KCNQ5: variants seen among roughly 807,000 people sequenced by gnomAD.
The protein encoded by KCNQ5 is potassium voltage-gated channel subfamily KQT member 5.
Under a neutral mutation model 98.2 loss-of-function variants are expected in KCNQ5, and 30 were observed. That is an observed-to-expected ratio of 0.31 (90% CI 0.23 to 0.41). The LOEUF (loss-of-function observed/expected upper bound fraction) is 0.41, where lower values mean the gene tolerates loss of function less well. KCNQ5 is among the 10% of genes least tolerant of loss of function. KCNQ5 has a pLI of 1.00. For missense variants in KCNQ5, 835 were observed against 1,182.5 expected (o/e 0.71, Z 4.31); for synonymous variants, 458 against 449.4 (o/e 1.02, Z -0.24).
In KCNQ5 at chr6:72,679,501, C is replaced by T. The variant is rs1419854255; in HGVS notation, c.398+56914C>T. ...AAAAACCAAACACCGCATATTCTCA[C>T]TCATAGGTGGGAATTGAACAATGAG... On this transcript the variant is annotated intron_variant, in intron 1 of 13. Coordinates refer to ENST00000370398, the MANE Select transcript of KCNQ5 (RefSeq NM_019842.4). Among the ~76,000 whole-genome samples, 11 of 142,944 alleles carry T rather than the reference C, an allele frequency of 7.7e-5. No individual in the cohort carries two copies. The East Asian group carries it at 2.3e-3, about 29-fold the overall frequency. 93.8% of individuals were successfully genotyped at this position (142,944 alleles called of 152,430 possible). A position where few individuals can be genotyped will look rare whatever the true frequency, so the allele number is the denominator to read the frequency against.
intron 1 of KCNQ5, among the ~76,000 whole-genome samples, chr6:72,909,597 G>T (rs1779841881): frequency 2.0e-5 from 3 of 152,144 alleles, no homozygotes; most frequent in Non-Finnish European, 4.4e-5. Context: ...CATGAAGAGA[G>T]CTAAGCAGTT....
At chr6:73,042,480 A>G (rs911725087) in intron 3 of KCNQ5, among the ~76,000 whole-genome samples, 34 of 152,172 alleles carry the variant, frequency 2.2e-4, no homozygotes, top group African/African-American at 7.2e-4. Flanking sequence ...TTTTTGCTCT[A>G]CAATATGACA....
chr6:72,845,155 T>C (rs1776964530), intron 1 of KCNQ5, among the ~76,000 whole-genome samples: 1 of 152,226 alleles, frequency 6.6e-6, no homozygotes, highest in African/African-American at 2.4e-5. Flanking sequence ...GCCCACTTTC[T>C]GAGAAATTCA....
intron 10 of KCNQ5, among the ~76,000 whole-genome samples, chr6:73,160,233 G>T (rs145140506): frequency 3.0e-4 from 46 of 152,076 alleles, no homozygotes; most frequent in African/African-American, 1.0e-3. Flanking sequence ...AGCCAGGATG[G>T]TCTCGATCTC....
At chr6:73,078,828 A>C (rs901635169) in intron 5 of KCNQ5, among the ~76,000 whole-genome samples, 1 of 152,254 alleles carries the variant, frequency 6.6e-6, no homozygotes, top group African/African-American at 2.4e-5. Flanking sequence ...GTGTACTCTG[A>C]ACAACGCATA....
Position 72,751,290 on chromosome 6 carries a change from A to T in KCNQ5, c.398+128703A>T, listed in dbSNP as rs564159549. Among the ~76,000 whole-genome samples, 3 of 150,760 alleles carry T rather than the reference A, an allele frequency of 2.0e-5. No homozygotes were observed. The South Asian group carries it at 6.3e-4, about 31-fold the overall frequency. On this transcript the variant is annotated intron_variant, in intron 1 of 13. Coordinates refer to ENST00000370398, the MANE Select transcript of KCNQ5 (RefSeq NM_019842.4). The stretch of plus-strand genomic sequence containing the variant: ...ACAGGATGAATTTAGGTAATGAATC[A>T]TCTGTGTGATTTGGACTCAAAATGA...
chr6:72,905,572 C>T (rs541785756), intron 1 of KCNQ5, among the ~76,000 whole-genome samples: 91 of 152,236 alleles, frequency 6.0e-4, no homozygotes, highest in Non-Finnish European at 1.1e-3. Context: ...GGGGTGTTCC[C>T]TTGATGTAGT....
At chr6:72,931,010 G>C (rs937169145) in intron 1 of KCNQ5, among the ~76,000 whole-genome samples, 1 of 152,066 alleles carries the variant, frequency 6.6e-6, no homozygotes, top group Non-Finnish European at 1.5e-5. Flanking sequence ...ATAGTTTACT[G>C]GGCCATCATT....
At chr6:72,865,690 C>T (rs546149653) in intron 1 of KCNQ5, among the ~76,000 whole-genome samples, 19 of 152,232 alleles carry the variant, frequency 1.2e-4, no homozygotes, top group African/African-American at 4.1e-4. Flanking sequence ...ATATCATTTG[C>T]TTAGTTCCTG....
intron 1 of KCNQ5, among the ~76,000 whole-genome samples, chr6:72,888,050 C>G (rs1562047691): frequency 6.6e-6 from 1 of 151,888 alleles, no homozygotes; most frequent in Non-Finnish European, 1.5e-5. Flanking sequence ...CCAAAGGGAG[C>G]TGATATAGCT....
At chr6:72,766,753 G>C (rs1427175177) in intron 1 of KCNQ5, among the ~76,000 whole-genome samples, 1 of 151,884 alleles carries the variant, frequency 6.6e-6, no homozygotes, top group African/African-American at 2.4e-5. Flanking sequence ...GGTATGTTGG[G>C]GGCAATAAGG....
At chr6:72,882,060 T>C (rs1709421861) in intron 1 of KCNQ5, among the ~76,000 whole-genome samples, 1 of 152,200 alleles carries the variant, frequency 6.6e-6, no homozygotes, top group South Asian at 2.1e-4. Flanking sequence ...TTTAGGATTT[T>C]TGATTGTTTA....
intron 1 of KCNQ5, among the ~76,000 whole-genome samples, chr6:72,946,746 G>T (rs1401926848): frequency 3.9e-5 from 6 of 152,192 alleles, no homozygotes; most frequent in Admixed American, 2.6e-4. Flanking sequence ...TAAAGTGCTT[G>T]ATATTTCTGT....
chr6:72,773,931 C>T (rs534364148), intron 1 of KCNQ5, among the ~76,000 whole-genome samples: 2 of 152,154 alleles, frequency 1.3e-5, no homozygotes, highest in South Asian at 4.2e-4. Flanking sequence ...ATCAATGGAA[C>T]AGAATAGAGA....
chr6:72,794,470 G>T (rs1032113426), intron 1 of KCNQ5, among the ~76,000 whole-genome samples: 1 of 152,112 alleles, frequency 6.6e-6, no homozygotes, highest in African/African-American at 2.4e-5. Context: ...TTCTTTGTTG[G>T]CTAATTGTCA....
chr6:72,635,622 C>T (rs897044812), intron 1 of KCNQ5, among the ~76,000 whole-genome samples: 4 of 149,850 alleles, frequency 2.7e-5, no homozygotes, highest in Admixed American at 6.6e-5. Context: ...CTTACTTTCC[C>T]TTTCCCCTTG....
At chr6:72,847,982 G>GA (rs1285889332) in intron 1 of KCNQ5, among the ~76,000 whole-genome samples, 2 of 151,146 alleles carry the variant, frequency 1.3e-5, no homozygotes, top group Non-Finnish European at 2.9e-5. Flanking sequence ...AGAGACCCTT[G>GA]AATTTCTGGC....
At chr6:73,083,978 C>T (rs1773880483) in intron 5 of KCNQ5, among the ~76,000 whole-genome samples, 3 of 152,126 alleles carry the variant, frequency 2.0e-5, no homozygotes, top group African/African-American at 7.2e-5. Flanking sequence ...TATATTAGTA[C>T]AAAAAGAACC....
At chr6:73,053,472 A>G (rs1020458645) in intron 3 of KCNQ5, among the ~76,000 whole-genome samples, 4 of 152,154 alleles carry the variant, frequency 2.6e-5, no homozygotes, top group Non-Finnish European at 5.9e-5. Flanking sequence ...ATGGCCCATA[A>G]TCTAAAATTG....
Sources: allele counts gnomAD v4.1 joint callset (sites outside exome capture counted in the v4.1 genomes callset), GRCh38; gene constraint gnomAD v4.1.1; transcripts MANE v1.5; gene names NCBI Gene and HGNC (gene_info 2026-07-23, HGNC 2026-07-21).